Variants in UNC79 observed in about 807,000 individuals in gnomAD.
The protein encoded by UNC79 is protein unc-79 homolog.
Under a neutral mutation model 283.1 loss-of-function variants are expected in UNC79, and 37 were observed. The ratio of observed to expected loss-of-function variants is 0.13; its 90% CI spans 0.10 to 0.17. The LOEUF (loss-of-function observed/expected upper bound fraction) is 0.17. Ranked by LOEUF, UNC79 falls within the 10% of genes least tolerant of loss-of-function variation. The pLI, the probability that UNC79 is intolerant of heterozygous loss-of-function variation, is 1.00. For missense variants in UNC79, 2,272 were observed against 3,211.1 expected (o/e 0.71, Z 7.07); for synonymous variants, 1,107 against 1,200.2 (o/e 0.92, Z 1.61).
At chr14:93,523,489 A>G (rs1354387784) in intron 7 of UNC79, among the ~76,000 whole-genome samples, 1 of 152,208 alleles carries the variant, frequency 6.6e-6, no homozygotes, top group Admixed American at 6.5e-5. Context: ...ACTGGTGCCA[A>G]GAATCTAGGA....
rs141898644 is a variant in UNC79 at position 93,348,969 on chromosome 14, C to T, written c.-351+15446C>T. 3.1e-3 allele frequency among the ~76,000 whole-genome samples: 473 copies of T among 152,324 alleles called. 2 individuals carry two copies. The highest frequency in any genetic ancestry group is 7.6e-3 in the Admixed American group (116 of 15,310). On this transcript the variant is annotated intron_variant, in intron 1 of 49. Coordinates refer to the UNC79 transcript ENST00000256339. The stretch of plus-strand genomic sequence containing the variant: ...CCGCACTGTGGAAGCTTTGTTCTTT[C>T]GCTCTTCGCAATAAATCTTGCTGCT...
chr14:93,473,170 A>G (rs559187567), intron 2 of UNC79, among the ~76,000 whole-genome samples: 1 of 152,160 alleles, frequency 6.6e-6, no homozygotes, highest in African/African-American at 2.4e-5. Flanking sequence ...TTGTTGAATA[A>G]TAACGTAAGT....
In UNC79 at chr14:93,593,649, G is replaced by A. The variant is rs58263719; in HGVS notation, c.3033-31G>A. The A allele has an allele frequency of 1.2e-3, 1,848 of 1,590,368 alleles. 20 individuals are homozygous for A. In the African/African-American group the frequency reaches 0.022, roughly 19 times the overall value. Reference sequence around the variant, plus strand: ...TTTTTCTGGAAAAGTTGTGATAACTGTCACCACTTTGCTTCTCCTTGATTC... The same window carrying A: ...TTTTTCTGGAAAAGTTGTGATAACTATCACCACTTTGCTTCTCCTTGATTC... On this transcript the variant is annotated intron_variant, in intron 22 of 48. Transcript: ENST00000555664.
chr14:93,513,108 G>A (rs1363971635), intron 7 of UNC79, among the ~76,000 whole-genome samples: 1 of 151,880 alleles, frequency 6.6e-6, no homozygotes, highest in Non-Finnish European at 1.5e-5. Context: ...AGATTTTATA[G>A]GCTTCTTGAT....
intron 22 of UNC79, among the ~76,000 whole-genome samples, chr14:93,588,510 G>A (rs887441168): frequency 4.6e-5 from 7 of 152,102 alleles, no homozygotes; most frequent in Admixed American, 2.0e-4. Flanking sequence ...GGAGGCCGAG[G>A]CCGGCGGATC....
At chr14:93,409,836 A>G (rs531136776) in intron 1 of UNC79, among the ~76,000 whole-genome samples, 1 of 152,356 alleles carries the variant, frequency 6.6e-6, no homozygotes, top group African/African-American at 2.4e-5. Flanking sequence ...TCAAAATTTC[A>G]AAAGGTTTTA....
rs572884774 is a variant in UNC79 at position 93,430,800 on chromosome 14, A to G, written c.-230A>G. ...ACGGACAGGAAGCCTTTGGCCGCCT[A>G]TTAAATCCCACCCATTTCTCCGGGG... On this transcript the variant is annotated 5_prime_UTR_variant, in exon 1 of 49. Coordinates refer to ENST00000555664, the Ensembl canonical transcript of UNC79. The surrounding 1 kb of genome is among the most constrained non-coding windows in gnomAD (Gnocchi z 4.6). The G allele has an allele frequency of 1.6e-5, 7 of 431,414 alleles. No homozygotes were observed. Among genetic ancestry groups the G allele is most frequent in the African/African-American group, 1.2e-4 (6 of 49,554 alleles). The allele number at this position is 431,414 out of a possible 1,614,324, so 26.7% of individuals were successfully genotyped here.
At chr14:93,462,733 G>A (rs1454786620) in intron 1 of UNC79, among the ~76,000 whole-genome samples, 1 of 152,180 alleles carries the variant, frequency 6.6e-6, no homozygotes, top group African/African-American at 2.4e-5. Context: ...GTACGGCGGG[G>A]AATAGGGTCT....
chr14:93,421,940 A>G (rs1261855236), intron 1 of UNC79, among the ~76,000 whole-genome samples: 2 of 151,854 alleles, frequency 1.3e-5, no homozygotes, highest in East Asian at 1.9e-4. Context: ...CTGAAAAAGC[A>G]TTTGATAAAA....
chr14:93,689,487 CTTTTTT>C (rs57033556), intron 44 of UNC79: 5 of 119,376 alleles, frequency 4.2e-5, no homozygotes, highest in East Asian at 4.9e-4. Context: ...GAAGAAATTT[CTTTTTT>C]TTTTTTTTTT....
chr14:93,385,261 G>A (rs2054746370), intron 1 of UNC79, among the ~76,000 whole-genome samples: 1 of 152,124 alleles, frequency 6.6e-6, no homozygotes, highest in South Asian at 2.1e-4. Context: ...GCATTGGGTA[G>A]TACAGACATT....
intron 4 of UNC79, among the ~76,000 whole-genome samples, chr14:93,486,656 GGAAA>G (rs1433811539): frequency 3.8e-5 from 3 of 78,510 alleles, no homozygotes; most frequent in Non-Finnish European, 5.2e-5. Flanking sequence ...CTCTGTCTAA[GGAAA>G]AAAAAAAAAA....
intron 1 of UNC79, among the ~76,000 whole-genome samples, chr14:93,392,465 TTA>T (rs2054904103): frequency 6.6e-6 from 1 of 152,214 alleles, no homozygotes; most frequent in Non-Finnish European, 1.5e-5. Context: ...TACACATTAA[TTA>T]TATGTTATAT....
intron 40 of UNC79, among the ~76,000 whole-genome samples, chr14:93,664,412 A>T (rs2071940603): frequency 6.6e-6 from 1 of 152,160 alleles, no homozygotes; most frequent in Non-Finnish European, 1.5e-5. Flanking sequence ...AGTGGTAAGC[A>T]TATAAGTAGC....
chr14:93,679,093 A>C lies in UNC79; in HGVS notation c.6742-3524A>C, dbSNP rs114052639. 4.5e-3 allele frequency among the ~76,000 whole-genome samples: 681 copies of C among 152,350 alleles called. 5 individuals are homozygous for C. Among genetic ancestry groups the C allele is most frequent in the African/African-American group, 0.015 (632 of 41,574 alleles). On this transcript the variant is annotated intron_variant, in intron 41 of 48. Transcript: ENST00000555664. ...AAGATAGATTAGAGTTTTCATAATA[A>C]GTGATAACTCCCACCATAAAGACTG...
chr14:93,603,866 C>T (rs1301913275), intron 26 of UNC79, among the ~76,000 whole-genome samples: 1 of 151,894 alleles, frequency 6.6e-6, no homozygotes, highest in Non-Finnish European at 1.5e-5. Flanking sequence ...CCACACAAGC[C>T]CCCTAAGACA....
At chr14:93,457,448 C>G (rs2056827394) in intron 1 of UNC79, among the ~76,000 whole-genome samples, 1 of 152,198 alleles carries the variant, frequency 6.6e-6, no homozygotes, top group Non-Finnish European at 1.5e-5. Flanking sequence ...CTTTAAAGAA[C>G]TCTTAGGAGT....
At chr14:93,614,037 G>T (rs1340563485) in intron 27 of UNC79, among the ~76,000 whole-genome samples, 1 of 145,178 alleles carries the variant, frequency 6.9e-6, no homozygotes, top group African/African-American at 2.6e-5. Flanking sequence ...ACATTTTCAT[G>T]CACAGTAAAA....
intron 1 of UNC79, among the ~76,000 whole-genome samples, chr14:93,462,676 CTT>C (rs1472669944): frequency 5.4e-5 from 8 of 149,388 alleles, no homozygotes; most frequent in African/African-American, 1.5e-4. Context: ...AGTGATAAGA[CTT>C]AGTGATTAAT....
Sources: gnomAD v4.1 joint callset for allele counts (sites outside exome capture counted in the v4.1 genomes callset) on GRCh38, gnomAD v4.1.1 for gene constraint, Gnocchi (gnomAD v3.1) non-coding constraint, MANE v1.5 for transcripts, NCBI Gene and HGNC (gene_info 2026-07-23, HGNC 2026-07-21) for gene names.